The following PDE11A variants were observed in gnomAD, a reference collection of about 807,000 sequenced individuals.
PDE11A encodes the protein phosphodiesterase 11A.
A neutral mutation model predicts 100.5 loss-of-function variants in PDE11A; 100 were observed. That is an observed-to-expected ratio of 1.00 (90% CI 0.85 to 1.18). The LOEUF (loss-of-function observed/expected upper bound fraction) is 1.18, where lower values mean the gene tolerates loss of function less well. Among genes scored for constraint, PDE11A ranks in the 50% most tolerant of loss-of-function variants. The pLI is 0.00. For synonymous variants in PDE11A, 381 were observed against 420.8 expected, an observed-to-expected ratio of 0.91 and a Z score of 1.16; for missense variants, 1,141 against 1,152.6, an observed-to-expected ratio of 0.99 and a Z score of 0.15.
intron 3 of PDE11A, among the ~76,000 whole-genome samples, chr2:177,904,699 C>A (rs1454167480): frequency 6.6e-6 from 1 of 151,568 alleles, no homozygotes; most frequent in Non-Finnish European, 1.5e-5. Flanking sequence ...GGACTACAGG[C>A]ACCACCACCA....
At chr2:177,810,120 G>A (rs1207253200) in intron 9 of PDE11A, among the ~76,000 whole-genome samples, 1 of 152,178 alleles carries the variant, frequency 6.6e-6, no homozygotes, top group East Asian at 1.9e-4. Context: ...TTATGAAGGA[G>A]GAAGGGAATA....
intron 9 of PDE11A, among the ~76,000 whole-genome samples, chr2:177,806,507 C>G (rs941043882): frequency 5.3e-5 from 8 of 152,144 alleles, no homozygotes; most frequent in Non-Finnish European, 1.0e-4. Context: ...ATCACATATC[C>G]TCTTTATGAG....
intron 1 of PDE11A, among the ~76,000 whole-genome samples, chr2:178,060,585 C>T (rs1232639507): frequency 6.6e-6 from 1 of 152,126 alleles, no homozygotes; most frequent in Admixed American, 6.5e-5. Flanking sequence ...TAAAATATGG[C>T]ACAGCCCTTG....
At chr2:177,939,295 T>C (rs1175837771) in intron 2 of PDE11A, among the ~76,000 whole-genome samples, 7 of 146,832 alleles carry the variant, frequency 4.8e-5, no homozygotes, top group East Asian at 2.0e-4. Flanking sequence ...AATAAAGCCA[T>C]ATTACCAAAA....
At chr2:177,797,607 G>T (rs2082724011) in intron 9 of PDE11A, among the ~76,000 whole-genome samples, 1 of 152,120 alleles carries the variant, frequency 6.6e-6, no homozygotes. Context: ...CAGAACAAAT[G>T]CATCCAAATA....
intron 9 of PDE11A, among the ~76,000 whole-genome samples, chr2:177,809,605 A>C (rs2082919436): frequency 6.6e-6 from 1 of 152,116 alleles, no homozygotes; most frequent in Admixed American, 6.5e-5. Context: ...CTCCCTCTTG[A>C]GCCCTGTACC....
intron 2 of PDE11A, among the ~76,000 whole-genome samples, chr2:177,968,418 A>G (rs2085725926): frequency 6.6e-6 from 1 of 152,216 alleles, no homozygotes; most frequent in Non-Finnish European, 1.5e-5. Flanking sequence ...GATCACAGAA[A>G]TTATGCTAAG....
intron 2 of PDE11A, among the ~76,000 whole-genome samples, chr2:178,103,903 C>T (rs577865350): frequency 1.3e-5 from 2 of 152,152 alleles, no homozygotes; most frequent in South Asian, 2.1e-4. Flanking sequence ...CCTCTTCCCA[C>T]AAACAAAAAA....
chr2:178,051,038 T>G (rs2086819937), intron 1 of PDE11A, among the ~76,000 whole-genome samples: 1 of 151,000 alleles, frequency 6.6e-6, no homozygotes, highest in Non-Finnish European at 1.5e-5. Context: ...GAAGAGCAAC[T>G]CCAAGACACA....
rs1215005353 is a variant in PDE11A, at chr2:177,999,089, AGGAATCAT to A, written c.1071+15205_1071+15212del. Among the ~76,000 whole-genome samples, 5 of 152,364 alleles carry A rather than the reference AGGAATCAT, an allele frequency of 3.3e-5. No individual in the cohort carries two copies. The South Asian group carries it at 1.0e-3, about 32-fold the overall frequency. On this transcript the variant is annotated intron_variant, in intron 2 of 19. Coordinates refer to ENST00000286063, the MANE Select transcript of PDE11A (RefSeq NM_016953.4). ...GTCCTGTGACTGTCCTAATCATGAT[AGGAATCAT>A]GTCCAAGTGTTAAGCCGAGACTTAA...
chr2:177,694,075 A>G (rs992695349), intron 15 of PDE11A, among the ~76,000 whole-genome samples: 2 of 152,248 alleles, frequency 1.3e-5, no homozygotes, highest in Non-Finnish European at 2.9e-5. Context: ...TCAAAAAACA[A>G]TAATGCTGAT....
chr2:177,966,964 T>G (rs1167935975), intron 2 of PDE11A, among the ~76,000 whole-genome samples: 1 of 152,168 alleles, frequency 6.6e-6, no homozygotes, highest in African/African-American at 2.4e-5. Context: ...AGAATTTGGC[T>G]ATGAATCCAT....
intron 1 of PDE11A, among the ~76,000 whole-genome samples, chr2:178,066,348 C>A (rs547929135): frequency 6.6e-6 from 1 of 152,152 alleles, no homozygotes; most frequent in Non-Finnish European, 1.5e-5. Flanking sequence ...GCATGAAAGA[C>A]CCCTGCTTGA....
At chr2:177,795,153 C>T (rs986495892) in intron 9 of PDE11A, among the ~76,000 whole-genome samples, 5 of 152,204 alleles carry the variant, frequency 3.3e-5, no homozygotes, top group East Asian at 1.9e-4. Context: ...AATTTAATCA[C>T]GGAAGTTGAA....
chr2:178,043,336 C>A (rs2086706302), intron 1 of PDE11A, among the ~76,000 whole-genome samples: 1 of 152,154 alleles, frequency 6.6e-6, no homozygotes, highest in Admixed American at 6.6e-5. Context: ...TTAGTCAAAT[C>A]CTGCTAAGGT....
chr2:178,100,916 G>C (rs189988832), intron 2 of PDE11A, among the ~76,000 whole-genome samples: 1 of 152,154 alleles, frequency 6.6e-6, no homozygotes, highest in African/African-American at 2.4e-5. Flanking sequence ...CTTATAACAG[G>C]ATAATAATAA....
chr2:177,777,263 T>TTA (rs138340587), intron 9 of PDE11A, among the ~76,000 whole-genome samples: 82,131 of 151,788 alleles, frequency 0.54, 22,989 homozygotes, highest in African/African-American at 0.66. Flanking sequence ...TGGTATTTTG[T>TTA]TGTTATGGCA....
At chr2:177,971,031 T>C (rs1311432839) in intron 2 of PDE11A, among the ~76,000 whole-genome samples, 4 of 152,224 alleles carry the variant, frequency 2.6e-5, no homozygotes, top group African/African-American at 9.6e-5. Flanking sequence ...TCTGGGGATA[T>C]ACATTCACAC....
At chr2:177,807,415 A>ATTATTTTATTTTATT (rs150217510) in intron 9 of PDE11A, among the ~76,000 whole-genome samples, 4 of 151,458 alleles carry the variant, frequency 2.6e-5, no homozygotes, top group African/African-American at 9.7e-5. Context: ...TTTTGTTTTT[A>ATTATTTTATTTTATT]TTATTTTATT....
Sources: allele counts gnomAD v4.1 joint callset (sites outside exome capture counted in the v4.1 genomes callset), GRCh38; gene constraint gnomAD v4.1.1; transcripts MANE v1.5; gene names NCBI Gene and HGNC (gene_info 2026-07-23, HGNC 2026-07-21).